The following WDR26 variants were observed in gnomAD, a reference collection of about 807,000 sequenced individuals.
WDR26 encodes the protein WD repeat-containing protein 26.
A neutral mutation model predicts 84.1 loss-of-function variants in WDR26; 5 were observed. The ratio of observed to expected loss-of-function variants is 0.06; its 90% confidence interval spans 0.03 to 0.13. WDR26 has a LOEUF of 0.13. Among genes scored for constraint, WDR26 ranks in the 10% least tolerant of loss-of-function variants. The pLI is 1.00. For missense variants in WDR26, 642 were observed against 974.9 expected (o/e 0.66, Z 4.55); for synonymous variants, 415 against 389.6 (o/e 1.07, Z -0.77).
intron 8 of WDR26, among the ~76,000 whole-genome samples, chr1:224,403,938 A>AAAAC (rs373214956): frequency 2.6e-5 from 4 of 152,204 alleles, no homozygotes; most frequent in Admixed American, 2.6e-4. Context: ...CTCTGTCTCA[A>AAAAC]AAACAAACAA....
rs761289373 is a variant in WDR26 at position 224,431,389 on chromosome 1, A to AT, written c.927+87dup. 369 of 1,227,264 alleles carry AT rather than the reference A, an allele frequency of 3.0e-4. 6 individuals carry two copies. Among genetic ancestry groups the AT allele is most frequent in the Middle Eastern group, 2.7e-3 (13 of 4,800 alleles). 76.0% of individuals were successfully genotyped at this position (1,227,264 alleles called of 1,614,324 possible). On this transcript the variant is annotated intron_variant, in intron 3 of 13. Coordinates refer to ENST00000414423, the MANE Select transcript of WDR26 (RefSeq NM_001379403.1). Reference sequence around the variant, plus strand: ...TGAAATTTAACTACTTTTAGGCCTTATTTTTTTATAAGAGGCAGAAGCCTA... The same window carrying AT: ...TGAAATTTAACTACTTTTAGGCCTTATTTTTTTTATAAGAGGCAGAAGCCTA...
chr1:224,393,550 AC>A (rs1673180572), intron 13 of WDR26, among the ~76,000 whole-genome samples: 1 of 152,198 alleles, frequency 6.6e-6, no homozygotes, highest in South Asian at 2.1e-4. Context: ...ATTTTCAGTA[AC>A]ATTTTTAAAG....
At chr1:224,395,561 C>G (rs1222450885) in intron 12 of WDR26, among the ~76,000 whole-genome samples, 4 of 142,708 alleles carry the variant, frequency 2.8e-5, no homozygotes, top group East Asian at 4.1e-4. Flanking sequence ...ATCTGCTGCT[C>G]AATAATTTTT....
At chr1:224,399,314 C>T (rs1673347294) in intron 9 of WDR26, among the ~76,000 whole-genome samples, 1 of 152,092 alleles carries the variant, frequency 6.6e-6, no homozygotes, top group South Asian at 2.1e-4. Flanking sequence ...AAGAAAGAAA[C>T]AGTCCCTAAG....
chr1:224,411,649 T>A (rs1673739134), intron 6 of WDR26, 84 bp from the exon 7 acceptor site: 3 of 1,383,394 alleles, frequency 2.2e-6, no homozygotes, highest in Non-Finnish European at 2.9e-6. Context: ...TGACAAAACT[T>A]CTTTGAAGAT....
In WDR26 at chr1:224,433,865, G is replaced by A. The variant is rs1674498089; in HGVS notation, c.541C>T (p.Pro181Ser). Residue 181 changes from proline to serine, a missense_variant, in exon 1 of 14, where the codon CCC becomes TCC. By Grantham distance (74) the Pro-to-Ser change is moderately conservative. This residue lies in a region of WDR26 where 291 missense variants were observed against 302.1 expected (regional missense o/e 0.96). Transcript: ENST00000414423. ...GAGGATGCGGCGGCCGCCCCGCCGG[G>A]AACCCCGTTATTGACATTCAGGCTG... 3.3e-6 allele frequency: 5 copies of A among 1,536,868 alleles called. No homozygotes were observed. Among genetic ancestry groups the A allele is most frequent in the African/African-American group, 1.4e-5 (1 of 73,042 alleles).
chr1:224,402,884 GAT>G (rs1210182637), intron 8 of WDR26, among the ~76,000 whole-genome samples: 1 of 152,068 alleles, frequency 6.6e-6, no homozygotes, highest in Non-Finnish European at 1.5e-5. Context: ...TGTGGATTTT[GAT>G]CATGAGTACT....
In WDR26 at chr1:224,423,889, T is replaced by TA. The variant is rs374178250; in HGVS notation, c.1064+628dup. On this transcript the variant is annotated intron_variant, in intron 4 of 13. Coordinates refer to ENST00000414423, the MANE Select transcript of WDR26 (RefSeq NM_001379403.1). ...AGATTACCTAAAAAGAGTATGTAGA[T>TA]AGAGAATAAAGAGGCCCAGGATCAA... Among the ~76,000 whole-genome samples, 971 of 152,260 alleles carry TA rather than the reference T, an allele frequency of 6.4e-3. 10 individuals carry two copies. Among genetic ancestry groups the TA allele is most frequent in the African/African-American group, 0.022 (912 of 41,538 alleles).
At chr1:224,433,433 C>T (rs561041936) in intron 1 of WDR26, among the ~76,000 whole-genome samples, 85 of 152,248 alleles carry the variant, frequency 5.6e-4, no homozygotes, top group Non-Finnish European at 9.6e-4. Context: ...CCCTTCCTAA[C>T]CCCTCAACGC....
chr1:224,418,011 G>A (rs12751161), intron 6 of WDR26, among the ~76,000 whole-genome samples: 43,727 of 152,010 alleles, frequency 0.29, 7,892 homozygotes, highest in African/African-American at 0.5. Flanking sequence ...TCAGACACAG[G>A]AAACAAGTAA....
Position 224,387,821 on chromosome 1 carries a change from G to C in WDR26, c.*2014C>G, listed in dbSNP as rs777664684. The C allele has an allele frequency of 6.6e-6, 1 of 152,606 alleles. No homozygotes were observed. Among genetic ancestry groups the C allele is most frequent in the Non-Finnish European group, 1.5e-5 (1 of 68,020 alleles). The allele number at this position is 152,606 out of a possible 1,614,324, so 9.5% of individuals were successfully genotyped here. ...TGGTTTTTAACTATACTGAGGTAAAGAGAAGTTGCCACTTAATTACATACA... is the reference window on the plus strand; with the variant it reads ...TGGTTTTTAACTATACTGAGGTAAACAGAAGTTGCCACTTAATTACATACA... On this transcript the variant is annotated 3_prime_UTR_variant, in exon 14 of 14. Transcript: ENST00000414423.
intron 12 of WDR26, among the ~76,000 whole-genome samples, chr1:224,396,859 A>C (rs1276664644): frequency 6.6e-6 from 1 of 151,618 alleles, no homozygotes; most frequent in Non-Finnish European, 1.5e-5. Flanking sequence ...CAGGAGGTGG[A>C]GGTTGCATCA....
chr1:224,400,791 C>G (rs958231963), intron 9 of WDR26, among the ~76,000 whole-genome samples, 159 bp downstream of exon 9: 1 of 152,184 alleles, frequency 6.6e-6, no homozygotes, highest in Non-Finnish European at 1.5e-5. Context: ...GGTGATCCAC[C>G]TGCCTCGGCC....
Position 224,398,511 on chromosome 1 carries a change from A to G in WDR26, c.1944+4T>C. The G allele has an allele frequency of 1.9e-6, 3 of 1,600,386 alleles. No individual in the cohort carries two copies. In the South Asian group the frequency reaches 3.4e-5, roughly 18 times the overall value. On this transcript the variant is annotated splice_donor_region_variant and intron_variant, in intron 11 of 13. Coordinates refer to ENST00000414423, the MANE Select transcript of WDR26 (RefSeq NM_001379403.1). ...TTTTCAGAAAATTATACTAATAAACATACCTGAGTTGCTACATTTAACAAA... is the reference window on the plus strand; with the variant it reads ...TTTTCAGAAAATTATACTAATAAACGTACCTGAGTTGCTACATTTAACAAA...
At chr1:224,419,488 C>T (rs1673994957) in intron 5 of WDR26, 30 bp downstream of exon 5, 1 of 1,528,880 alleles carries the variant, frequency 6.5e-7, no homozygotes, top group South Asian at 1.1e-5. Context: ...TAAGAGAAAA[C>T]ACAGCAACAT....
chr1:224,386,833 G>A lies in WDR26; in HGVS notation c.*3002C>T, dbSNP rs972889226. 4 of 151,992 alleles carry A rather than the reference G, an allele frequency of 2.6e-5. No homozygotes were observed. The highest frequency in any genetic ancestry group is 9.7e-5 in the African/African-American group (4 of 41,384). The allele number at this position is 151,992 out of a possible 1,614,324, so 9.4% of individuals were successfully genotyped here. A position where few individuals can be genotyped will look rare whatever the true frequency, so the allele number is the denominator to read the frequency against. On this transcript the variant is annotated 3_prime_UTR_variant, in exon 14 of 14. Coordinates refer to ENST00000414423, the MANE Select transcript of WDR26 (RefSeq NM_001379403.1). ...TATAACACATTTATCTGGCCAATAA[G>A]AGCAACAGAAATGTAGCTGTTATGA...
chr1:224,430,909 C>G (rs191284065), intron 3 of WDR26: 2 of 152,406 alleles, frequency 1.3e-5, no homozygotes, highest in African/African-American at 4.8e-5. Flanking sequence ...GGCCAGTAAG[C>G]AGGGCCAAAT....
rs1236680116 is a variant in WDR26 at position 224,391,748 on chromosome 1, T to C, written c.2261-1888A>G. On this transcript the variant is annotated intron_variant, in intron 13 of 13. Transcript: ENST00000414423. ...TAGCCTCATCTATATTTTTCGTAAG[T>C]TCTATTCTAAATAGGTATTACTTTA... Among the ~76,000 whole-genome samples the C allele has an allele frequency of 2.6e-5, 4 of 152,320 alleles. No individual in the cohort carries two copies. In the East Asian group the frequency reaches 5.8e-4, roughly 22 times the overall value.
In WDR26 at chr1:224,389,514, C is replaced by T; in HGVS notation, c.*321G>A. 2.0e-6 allele frequency: 1 copy of T among 510,482 alleles called. No homozygotes were observed. Among genetic ancestry groups the T allele is most frequent in the Non-Finnish European group, 3.4e-6 (1 of 294,434 alleles). 31.6% of individuals were successfully genotyped at this position (510,482 alleles called of 1,614,324 possible). On this transcript the variant is annotated 3_prime_UTR_variant, in exon 14 of 14. Transcript: ENST00000414423. ...ACAGAAGAGCAACAAGAATGGTATC[C>T]TGCCAGACAAAAGACAGGAAGGAAA...
Sources: gnomAD v4.1 joint callset for allele counts (sites outside exome capture counted in the v4.1 genomes callset) on GRCh38, gnomAD v4.1.1 for gene constraint, gnomAD v4.1.1 regional missense constraint, MANE v1.5 for transcripts, NCBI Gene and HGNC (gene_info 2026-07-23, HGNC 2026-07-21) for gene names.